Variants in ZNF850 observed in about 807,000 individuals in gnomAD.
ZNF850 encodes zinc finger protein 850.
In ZNF850, 2 loss-of-function variants were observed where a neutral mutation model predicts 11.9. The observed-to-expected ratio is 0.17, with a 90% CI of 0.07 to 0.53. ZNF850 has a LOEUF of 0.53. Among genes scored for constraint, ZNF850 ranks in the 20% least tolerant of loss-of-function variants. The pLI, the probability that ZNF850 is intolerant of heterozygous loss-of-function variation, is 0.94. For synonymous variants in ZNF850, 381 were observed against 443.0 expected, an observed-to-expected ratio of 0.86 and a Z score of 1.76; for missense variants, 1,014 against 1,316.4, an observed-to-expected ratio of 0.77 and a Z score of 3.55.
intron 4 of ZNF850, 144 bp from the exon 5 acceptor site, chr19:36,750,948 C>A (rs1425030214): frequency 3.3e-6 from 3 of 904,606 alleles, no homozygotes; most frequent in African/African-American, 1.7e-5. Context: ...TGCCTGTAAT[C>A]CCAGCGCTTT....
intron 1 of ZNF850, among the ~76,000 whole-genome samples, chr19:36,768,051 A>C (rs2040558886): frequency 6.6e-6 from 1 of 152,214 alleles, no homozygotes; most frequent in Non-Finnish European, 1.5e-5. Flanking sequence ...GCTTGAGCCC[A>C]GAAGTTCAAG....
intron 4 of ZNF850, among the ~76,000 whole-genome samples, chr19:36,756,404 A>G (rs2040486592): frequency 1.3e-5 from 2 of 152,224 alleles, no homozygotes; most frequent in South Asian, 4.1e-4. Flanking sequence ...GCACATCCAC[A>G]TATTCACCCA....
intron 1 of ZNF850, among the ~76,000 whole-genome samples, chr19:36,767,224 G>A (rs574020611): frequency 5.7e-4 from 85 of 148,510 alleles, no homozygotes; most frequent in African/African-American, 2.0e-3. Flanking sequence ...GCAACAGAGC[G>A]AGACTCAGTA....
In ZNF850 at chr19:36,745,695, A is replaced by C. The variant is rs2040408077; in HGVS notation, c.*2072T>G. ...CTCCATCTCAAAAAAAAAAAAAAGA[A>C]AAAAGAAAAAGAAAGTCCCAGGTGC... is the stretch of plus-strand genomic sequence containing the variant. On this transcript the variant is annotated 3_prime_UTR_variant, in exon 5 of 5. Transcript: ENST00000591344. The C allele has an allele frequency of 6.5e-6, 1 of 153,052 alleles. No individual in the cohort carries two copies. Among genetic ancestry groups the C allele is most frequent in the South Asian group, 2.1e-4 (1 of 4,842 alleles). The allele number at this position is 153,052 out of a possible 1,614,324, so 9.5% of individuals were successfully genotyped here.
rs826985 is a variant in ZNF850, at chr19:36,746,436, C to T, written c.*1331G>A. ...TCCACTGACTGGCTCACTGCAACAT[C>T]CGCCTCCCAGGTTCAAGCGATTCTC... is the stretch of plus-strand genomic sequence containing the variant. On this transcript the variant is annotated 3_prime_UTR_variant, in exon 5 of 5. Coordinates refer to ENST00000591344, the MANE Select transcript of ZNF850 (RefSeq NM_001193552.2). 43,736 of 152,158 alleles carry T rather than the reference C, an allele frequency of 0.29. 6,703 individuals carry two copies. The highest frequency in any genetic ancestry group is 0.35 in the Non-Finnish European group (24,093 of 68,022). The allele number at this position is 152,158 out of a possible 1,614,324, so 9.4% of individuals were successfully genotyped here. A position where few individuals can be genotyped will look rare whatever the true frequency, so the allele number is the denominator to read the frequency against.
At chr19:36,760,529 G>C (rs2040511627) in intron 4 of ZNF850, among the ~76,000 whole-genome samples, 1 of 151,770 alleles carries the variant, frequency 6.6e-6, no homozygotes, top group Non-Finnish European at 1.5e-5. Flanking sequence ...ACCAAGAAAA[G>C]AAGGCTTTAT....
intron 1 of ZNF850, among the ~76,000 whole-genome samples, chr19:36,765,931 C>T (rs1219810420): frequency 1.3e-5 from 2 of 151,240 alleles, no homozygotes; most frequent in African/African-American, 4.9e-5. Flanking sequence ...ATCTGTTGCC[C>T]AGGCTAGCGT....
At chr19:36,762,814 A>T in intron 1 of ZNF850, 139 bp from the exon 2 acceptor site, 1 of 584,794 alleles carries the variant, frequency 1.7e-6, no homozygotes, top group Non-Finnish European at 3.0e-6. Flanking sequence ...ACTATTTACA[A>T]CAAAAGCTTA....
intron 1 of ZNF850, among the ~76,000 whole-genome samples, chr19:36,762,916 G>A (rs1260604982): frequency 6.6e-6 from 1 of 151,266 alleles, no homozygotes; most frequent in African/African-American, 2.4e-5. Flanking sequence ...TTTGAGACAG[G>A]GTCTCGTTCT....
At chr19:36,769,299 A>C (rs2040568099) in intron 1 of ZNF850, among the ~76,000 whole-genome samples, 1 of 146,186 alleles carries the variant, frequency 6.8e-6, no homozygotes. Context: ...AAAGAAAGAA[A>C]GAAAGAAAAA....
At chr19:36,750,991 A>G (rs2040450483) in intron 4 of ZNF850, among the ~76,000 whole-genome samples, 187 bp from the exon 5 acceptor site, 1 of 149,698 alleles carries the variant, frequency 6.7e-6, no homozygotes, top group South Asian at 2.1e-4. Flanking sequence ...GCTTGAGCCC[A>G]GGAGTTCAAG....
intron 4 of ZNF850, among the ~76,000 whole-genome samples, chr19:36,757,843 A>G (rs915565398): frequency 2.6e-5 from 4 of 151,752 alleles, no homozygotes; most frequent in Admixed American, 1.3e-4. Context: ...TCTTTTTGAG[A>G]CAGGGTCTTG....
chr19:36,749,286 C>A lies in ZNF850; in HGVS notation c.1754G>T (p.Gly585Val). 6.4e-7 allele frequency: 1 copy of A among 1,572,272 alleles called. No homozygotes were observed. The change falls in exon 5 of 5, where the codon GGT (glycine) becomes GTT (valine). Residue 585 changes from glycine to valine, a missense_variant. Transcript: ENST00000591344. ...TTCCTTACAGTGATAGGGTTTCTCACCAGTGTGAATTCGCTGATGTTGAAT... is the reference window on the plus strand; with the variant it reads ...TTCCTTACAGTGATAGGGTTTCTCAACAGTGTGAATTCGCTGATGTTGAAT... ...ALIQHQRIHT[G>V]EKPYHCKECG...
chr19:36,765,030 G>A (rs2040541480), intron 1 of ZNF850, among the ~76,000 whole-genome samples: 1 of 151,936 alleles, frequency 6.6e-6, no homozygotes, highest in Admixed American at 6.6e-5. Context: ...GTCATACTAG[G>A]AAAAAAACAA....
chr19:36,749,352 CA>C lies in ZNF850; in HGVS notation c.1687del (p.Cys563ValfsTer14). On this transcript the variant is annotated frameshift_variant, in exon 5 of 5. Transcript: ENST00000591344. LOFTEE classifies it low-confidence loss of function (END_TRUNC). Reference sequence around the variant, plus strand: ...AGTAAAAGATTTTCCACATTCTTTACAATCATAGGGTTTCTCACCAGTGTGA... The same window carrying C: ...AGTAAAAGATTTTCCACATTCTTTACATCATAGGGTTTCTCACCAGTGTGA... The part of the protein sequence containing the change: ...AVHTGEKPYD[C>X]KECGKSFTSR... 6.4e-7 allele frequency: 1 copy of C among 1,550,732 alleles called. No homozygotes were observed. Among genetic ancestry groups the C allele is most frequent in the Non-Finnish European group, 8.7e-7 (1 of 1,152,632 alleles).
At chr19:36,763,517 C>G (rs911530016) in intron 1 of ZNF850, among the ~76,000 whole-genome samples, 7 of 151,716 alleles carry the variant, frequency 4.6e-5, no homozygotes, top group Non-Finnish European at 8.8e-5. Flanking sequence ...GCACTCCAGA[C>G]TGGGCAATAA....
rs1310460672 is a variant in ZNF850, at chr19:36,750,064, G to A, written c.976C>T (p.Arg326Ter). 6.5e-6 allele frequency: 10 copies of A among 1,539,630 alleles called. No homozygotes were observed. The highest frequency in any genetic ancestry group is 4.8e-5 in the South Asian group (4 of 84,052). Reference sequence around the variant, plus strand: ...TCACCAGTGTGAATTTGCTGGTGTCGAATTAGTGTTGAGCCAACAGTAAAA... The same window carrying A: ...TCACCAGTGTGAATTTGCTGGTGTCAAATTAGTGTTGAGCCAACAGTAAAA... ...KSFTVGSTLI[R>*]HQQIHTGEKP... The change falls in exon 5 of 5, where the codon CGA becomes TGA. Residue 326 changes from arginine (R) to a stop codon, truncating the protein, a stop_gained. Transcript: ENST00000591344. LOFTEE classifies it low-confidence loss of function (END_TRUNC).
rs878870385 is a variant in ZNF850 at position 36,748,729 on chromosome 19, T to C, written c.2311A>G (p.Thr771Ala). The C allele has an allele frequency of 6.5e-7, 1 of 1,541,018 alleles. No individual in the cohort carries two copies. Among genetic ancestry groups the C allele is most frequent in the Non-Finnish European group, 8.7e-7 (1 of 1,148,514 alleles). Residue 771 changes from threonine to alanine, a missense_variant, in exon 5 of 5, where the codon ACA becomes GCA. By Grantham distance (58) the Thr-to-Ala change is moderately conservative. Transcript: ENST00000591344. Reference protein sequence around the residue: ...ECGKSFTSHSTLIQHQQIHTG... With the variant: ...ECGKSFTSHSALIQHQQIHTG... ...TGTATTTGCTGATGTTGAATTAGTG[T>C]TGAGTGAGAAGTAAAAGATTTCCCA...
intron 4 of ZNF850, among the ~76,000 whole-genome samples, chr19:36,758,800 C>T (rs547349243): frequency 2.0e-5 from 3 of 152,042 alleles, no homozygotes; most frequent in East Asian, 1.9e-4. Flanking sequence ...AAAACCAGGC[C>T]GGGTGTAGTG....
Sources: gnomAD v4.1 joint callset for allele counts (sites outside exome capture counted in the v4.1 genomes callset) on GRCh38, gnomAD v4.1.1 for gene constraint, MANE v1.5 for transcripts, NCBI Gene and HGNC (gene_info 2026-07-23, HGNC 2026-07-21) for gene names.